The following NDST4 variants were observed in gnomAD, a reference collection of about 807,000 sequenced individuals.
NDST4 encodes N-deacetylase and N-sulfotransferase 4.
A neutral mutation model predicts 100.8 loss-of-function variants in NDST4; 63 were observed. The ratio of observed to expected loss-of-function variants is 0.62; its 90% CI spans 0.51 to 0.77. The LOEUF (loss-of-function observed/expected upper bound fraction) is 0.77, where lower values mean the gene tolerates loss of function less well. NDST4 is among the 30% of genes least tolerant of loss of function. The pLI is 0.00. For synonymous variants in NDST4, 377 were observed against 361.8 expected, an observed-to-expected ratio of 1.04 and a Z score of -0.48; for missense variants, 943 against 1,018.4, an observed-to-expected ratio of 0.93 and a Z score of 1.01.
intron 6 of NDST4, among the ~76,000 whole-genome samples, chr4:114,894,093 T>C (rs1003046783): frequency 5.9e-5 from 9 of 152,312 alleles, no homozygotes; most frequent in Middle Eastern, 3.4e-3. Flanking sequence ...GCTCCATTGA[T>C]CTATATGTAT....
At chr4:115,093,530 TA>T (rs1200004309) in intron 1 of NDST4, among the ~76,000 whole-genome samples, 1 of 151,976 alleles carries the variant, frequency 6.6e-6, no homozygotes, top group Non-Finnish European at 1.5e-5. Flanking sequence ...AAATTTGGTC[TA>T]AAAGACATAT....
At chr4:115,060,538 A>G (rs980563155) in intron 2 of NDST4, among the ~76,000 whole-genome samples, 1 of 151,994 alleles carries the variant, frequency 6.6e-6, no homozygotes, top group Non-Finnish European at 1.5e-5. Flanking sequence ...TAAATATTCA[A>G]GTAGGATAGA....
At chr4:114,933,061 T>C (rs1016447198) in intron 6 of NDST4, among the ~76,000 whole-genome samples, 3 of 152,050 alleles carry the variant, frequency 2.0e-5, no homozygotes, top group Non-Finnish European at 4.4e-5. Context: ...ATGTTATCTA[T>C]CATCAAACTA....
At position 115,096,207 on chromosome 4, in the gene NDST4, A is replaced by AT. The variant is rs1729619074; in HGVS notation, c.-247+17236dup. On this transcript the variant is annotated intron_variant, in intron 1 of 13. Transcript: ENST00000264363. ...TAATGGATAGAACATTACTCAACAC[A>AT]TTTTTTAGAACAAAACTGACTAAAT... Among the ~76,000 whole-genome samples the AT allele has an allele frequency of 1.9e-5, 2 of 103,886 alleles. 1 individual carries two copies. 68.2% of individuals were successfully genotyped at this position (103,886 alleles called of 152,430 possible). A position where few individuals can be genotyped will look rare whatever the true frequency, so the allele number is the denominator to read the frequency against.
intron 5 of NDST4, among the ~76,000 whole-genome samples, chr4:114,936,366 G>A (rs1560820600): frequency 6.6e-6 from 1 of 152,088 alleles, no homozygotes; most frequent in Non-Finnish European, 1.5e-5. Flanking sequence ...AATAAATATT[G>A]TGTATCAGCT....
At chr4:114,907,124 C>A (rs1392075357) in intron 6 of NDST4, among the ~76,000 whole-genome samples, 2 of 152,108 alleles carry the variant, frequency 1.3e-5, no homozygotes, top group African/African-American at 2.4e-5. Context: ...CCCTGACAAT[C>A]AAATTTTCTG....
intron 6 of NDST4, among the ~76,000 whole-genome samples, chr4:114,896,344 C>T (rs1053073755): frequency 1.3e-5 from 2 of 151,950 alleles, no homozygotes; most frequent in Non-Finnish European, 2.9e-5. Flanking sequence ...TGCTTTTGGG[C>T]CGGGCACGGT....
At chr4:115,078,338 A>G (rs1729233393) in intron 1 of NDST4, among the ~76,000 whole-genome samples, 1 of 152,092 alleles carries the variant, frequency 6.6e-6, no homozygotes, top group Non-Finnish European at 1.5e-5. Context: ...GAAGATGAGG[A>G]TATGTTTGGA....
At chr4:115,046,299 C>T (rs946989945) in intron 2 of NDST4, among the ~76,000 whole-genome samples, 2 of 152,144 alleles carry the variant, frequency 1.3e-5, no homozygotes, top group Non-Finnish European at 1.5e-5. Flanking sequence ...TCAGATTCTA[C>T]CTCTAGAGAA....
intron 11 of NDST4, among the ~76,000 whole-genome samples, chr4:114,838,308 C>A (rs1235385025): frequency 6.6e-6 from 1 of 152,134 alleles, no homozygotes; most frequent in Non-Finnish European, 1.5e-5. Context: ...ACCCAGCAAT[C>A]CCATTACTGG....
chr4:114,929,109 CATCCATCTATCTATCT>C (rs1457358898), intron 6 of NDST4, among the ~76,000 whole-genome samples: 258 of 112,704 alleles, frequency 2.3e-3, no homozygotes, highest in Middle Eastern at 4.6e-3. Flanking sequence ...TCCATCCATC[CATCCATCTATCTATCT>C]ATCTATCTAT....
At chr4:114,881,714 G>A (rs1471721303) in intron 6 of NDST4, among the ~76,000 whole-genome samples, 2 of 152,074 alleles carry the variant, frequency 1.3e-5, no homozygotes, top group African/African-American at 4.8e-5. Context: ...TAGAATGAAA[G>A]TGCAGTGGCA....
intron 6 of NDST4, among the ~76,000 whole-genome samples, chr4:114,899,712 T>C (rs959423410): frequency 1.3e-5 from 2 of 152,204 alleles, no homozygotes; most frequent in Middle Eastern, 3.2e-3. Context: ...GGTCTTTTTA[T>C]ACATTGTTGG....
intron 10 of NDST4, among the ~76,000 whole-genome samples, chr4:114,842,444 T>C (rs750088088): frequency 3.3e-5 from 5 of 151,524 alleles, no homozygotes; most frequent in Non-Finnish European, 7.4e-5. Flanking sequence ...GTTGATAGAA[T>C]ACAGTGTGTC....
At chr4:115,002,291 A>T (rs981342354) in intron 2 of NDST4, among the ~76,000 whole-genome samples, 1 of 152,098 alleles carries the variant, frequency 6.6e-6, no homozygotes, top group African/African-American at 2.4e-5. Flanking sequence ...GGCCACATCA[A>T]TGTCTTCTTT....
intron 4 of NDST4, among the ~76,000 whole-genome samples, chr4:114,952,637 T>C (rs780406285): frequency 6.6e-6 from 1 of 152,168 alleles, no homozygotes; most frequent in African/African-American, 2.4e-5. Flanking sequence ...CTATCCTTTA[T>C]GTTGTAAGTT....
At chr4:115,060,552 T>C (rs1289794433) in intron 2 of NDST4, among the ~76,000 whole-genome samples, 3 of 151,994 alleles carry the variant, frequency 2.0e-5, no homozygotes, top group Non-Finnish European at 4.4e-5. Flanking sequence ...GGATAGAGTT[T>C]CAATATTTAA....
At chr4:114,901,586 C>T (rs1724839597) in intron 6 of NDST4, among the ~76,000 whole-genome samples, 1 of 151,934 alleles carries the variant, frequency 6.6e-6, no homozygotes, top group South Asian at 2.1e-4. Context: ...TCCACTCTGA[C>T]AATCTCTATC....
At chr4:114,848,514 T>C (rs1723604426) in intron 8 of NDST4, among the ~76,000 whole-genome samples, 176 bp from the exon 9 acceptor site, 2 of 152,278 alleles carry the variant, frequency 1.3e-5, no homozygotes, top group Admixed American at 1.3e-4. Flanking sequence ...GTTCTATTTT[T>C]AGTCTTCATG....
Sources: allele counts gnomAD v4.1 joint callset (sites outside exome capture counted in the v4.1 genomes callset), GRCh38; gene constraint gnomAD v4.1.1; transcripts MANE v1.5; gene names NCBI Gene and HGNC (gene_info 2026-07-23, HGNC 2026-07-21).